Variants in SHANK2 observed in about 807,000 individuals in gnomAD.
The protein encoded by SHANK2 is SH3 and multiple ankyrin repeat domains 2.
A neutral mutation model predicts 133.7 loss-of-function variants in SHANK2; 43 were observed. The ratio of observed to expected loss-of-function variants is 0.32; its 90% CI spans 0.25 to 0.41. The LOEUF (loss-of-function observed/expected upper bound fraction) is 0.41. Ranked by LOEUF, SHANK2 falls within the 10% of genes least tolerant of loss-of-function variation. The pLI, the probability that SHANK2 is intolerant of heterozygous loss-of-function variation, is 1.00. For synonymous variants in SHANK2, 1,017 were observed against 952.8 expected, an observed-to-expected ratio of 1.07 and a Z score of -1.24; for missense variants, 1,994 against 2,235.8, an observed-to-expected ratio of 0.89 and a Z score of 2.18.
At chr11:70,688,679 C>T (rs1945208961) in intron 15 of SHANK2, among the ~76,000 whole-genome samples, 1 of 152,200 alleles carries the variant, frequency 6.6e-6, no homozygotes. Flanking sequence ...AGTGGATGAT[C>T]TTGTCATGGG....
chr11:70,887,202 G>C (rs981404818), intron 11 of SHANK2, among the ~76,000 whole-genome samples: 2 of 152,184 alleles, frequency 1.3e-5, no homozygotes, highest in African/African-American at 4.8e-5. Context: ...CCATCGTCCA[G>C]GCTCTATGGC....
At chr11:70,683,879 GT>G (rs1945086948) in intron 15 of SHANK2, among the ~76,000 whole-genome samples, 1 of 152,032 alleles carries the variant, frequency 6.6e-6, no homozygotes, top group Non-Finnish European at 1.5e-5. Flanking sequence ...CGCCTCCTGG[GT>G]TCAAACGATT....
intron 3 of SHANK2, among the ~76,000 whole-genome samples, chr11:71,125,016 G>A (rs543550973): frequency 1.3e-5 from 2 of 152,060 alleles, no homozygotes; most frequent in African/African-American, 4.8e-5. Context: ...TCATTGTTCT[G>A]GGGTGGCATG....
rs188968810 is a variant in SHANK2 at position 71,141,169 on chromosome 11, G to C, written c.207+5951C>G. On this transcript the variant is annotated intron_variant, in intron 3 of 25. Transcript: ENST00000601538. The stretch of plus-strand genomic sequence containing the variant: ...ATGCTGCGTTCCGTTTGAGTGTACG[G>C]GACACATGCCCTGTGGACGGGTGTG... 1.9e-3 allele frequency among the ~76,000 whole-genome samples: 294 copies of C among 152,302 alleles called. 1 individual carries two copies. Among genetic ancestry groups the C allele is most frequent in the African/African-American group, 6.6e-3 (274 of 41,574 alleles).
intron 11 of SHANK2, among the ~76,000 whole-genome samples, chr11:70,843,616 G>A (rs989484007): frequency 4.6e-5 from 7 of 151,826 alleles, no homozygotes; most frequent in Admixed American, 2.0e-4. Context: ...AGGAGAAGGC[G>A]GCACCTACAA....
chr11:70,941,357 T>C (rs1950644636), intron 10 of SHANK2, among the ~76,000 whole-genome samples: 1 of 152,184 alleles, frequency 6.6e-6, no homozygotes, highest in Non-Finnish European at 1.5e-5. Context: ...CAGCAGGCCG[T>C]GTGTTGAAAG....
intron 15 of SHANK2, among the ~76,000 whole-genome samples, chr11:70,692,722 A>G (rs2134451209): frequency 6.6e-6 from 1 of 152,330 alleles, no homozygotes; most frequent in East Asian, 1.9e-4. Flanking sequence ...TAAACCAGGT[A>G]TATGTATTTC....
chr11:70,577,073 C>T (rs960849392), intron 17 of SHANK2, among the ~76,000 whole-genome samples: 7 of 152,178 alleles, frequency 4.6e-5, no homozygotes. Context: ...GATGAGCTCC[C>T]CCAGTGTCCC....
intron 14 of SHANK2, among the ~76,000 whole-genome samples, chr11:70,700,549 C>T (rs558122967): frequency 5.3e-5 from 8 of 152,322 alleles, no homozygotes; most frequent in East Asian, 3.9e-4. Flanking sequence ...AAGCCAGCAC[C>T]GGTCCAGCCA....
chr11:71,248,888 C>T (rs146037424), intron 1 of SHANK2, among the ~76,000 whole-genome samples: 9 of 152,336 alleles, frequency 5.9e-5, no homozygotes, highest in Non-Finnish European at 8.8e-5. Context: ...TGTCACAACA[C>T]GGACTAACTG....
intron 17 of SHANK2, among the ~76,000 whole-genome samples, chr11:70,615,835 T>C (rs2060733791): frequency 6.6e-6 from 1 of 152,122 alleles, no homozygotes; most frequent in South Asian, 2.1e-4. Flanking sequence ...TTGGCCGGTA[T>C]TGGCTTTGTT....
intron 25 of SHANK2, among the ~76,000 whole-genome samples, chr11:70,476,571 A>G (rs2058667676): frequency 6.6e-6 from 1 of 152,236 alleles, no homozygotes; most frequent in Non-Finnish European, 1.5e-5. Flanking sequence ...ATTGAAATCA[A>G]ATAATGGGTA....
intron 11 of SHANK2, among the ~76,000 whole-genome samples, chr11:70,871,491 G>A (rs1266927761): frequency 3.9e-5 from 6 of 152,238 alleles, no homozygotes; most frequent in Non-Finnish European, 7.3e-5. Context: ...TTCACGTGCT[G>A]AGGCCACATC....
intron 15 of SHANK2, among the ~76,000 whole-genome samples, chr11:70,679,673 C>T (rs184423263): frequency 2.0e-5 from 3 of 152,380 alleles, no homozygotes; most frequent in South Asian, 2.1e-4. Context: ...TGCCATCTGT[C>T]GTGCTGACTA....
At chr11:70,817,197 C>G (rs1948417513) in intron 12 of SHANK2, among the ~76,000 whole-genome samples, 1 of 152,218 alleles carries the variant, frequency 6.6e-6, no homozygotes, top group Non-Finnish European at 1.5e-5. Flanking sequence ...CTCACCACTG[C>G]TGTCCCATAG....
chr11:71,126,145 G>C (rs1555102592), intron 3 of SHANK2, among the ~76,000 whole-genome samples: 1 of 128,860 alleles, frequency 7.8e-6, no homozygotes, highest in African/African-American at 3.0e-5. Flanking sequence ...TAGAACCCAG[G>C]AACAGGATGT....
At chr11:70,881,574 T>TAA (rs1565380943) in intron 11 of SHANK2, among the ~76,000 whole-genome samples, 3,222 of 39,212 alleles carry the variant, frequency 0.082, 122 homozygotes, top group African/African-American at 0.13. Flanking sequence ...AATAATAATA[T>TAA]TAATAATAAT....
intron 6 of SHANK2, among the ~76,000 whole-genome samples, chr11:71,100,617 C>G (rs1237096014): frequency 6.6e-6 from 1 of 152,164 alleles, no homozygotes; most frequent in Non-Finnish European, 1.5e-5. Context: ...ACCTGTAATC[C>G]CAGCACATTG....
intron 17 of SHANK2, among the ~76,000 whole-genome samples, chr11:70,636,267 A>G (rs545088252): frequency 6.6e-6 from 1 of 152,310 alleles, no homozygotes; most frequent in East Asian, 1.9e-4. Context: ...GTATGCGAGC[A>G]TGCATGTGTG....
Sources: gnomAD v4.1 joint callset for allele counts (sites outside exome capture counted in the v4.1 genomes callset) on GRCh38, gnomAD v4.1.1 for gene constraint, MANE v1.5 for transcripts, NCBI Gene and HGNC (gene_info 2026-07-23, HGNC 2026-07-21) for gene names.